The following SERGEF variants were observed in gnomAD, a reference collection of about 807,000 sequenced individuals.
The protein encoded by SERGEF is secretion-regulating guanine nucleotide exchange factor.
In SERGEF, 51 loss-of-function variants were observed where a neutral mutation model predicts 50.0. That is an observed-to-expected ratio of 1.02 (90% CI 0.81 to 1.29). SERGEF has a LOEUF of 1.29. SERGEF is among the 50% of genes most tolerant of loss of function. The pLI is 0.00. For synonymous variants in SERGEF, 205 were observed against 212.4 expected (o/e 0.97, Z 0.30); for missense variants, 521 against 557.0 (o/e 0.94, Z 0.65).
intron 9 of SERGEF, among the ~76,000 whole-genome samples, chr11:17,930,381 A>G (rs944890503): frequency 1.3e-5 from 2 of 152,170 alleles, no homozygotes; most frequent in Non-Finnish European, 2.9e-5. Context: ...AGGGAAGGTC[A>G]AAGATAGCAT....
chr11:18,003,470 A>G (rs1353471891), intron 4 of SERGEF, among the ~76,000 whole-genome samples: 1 of 152,228 alleles, frequency 6.6e-6, no homozygotes, highest in African/African-American at 2.4e-5. Flanking sequence ...ACTGAGACAT[A>G]TTGTAAGTAA....
intron 10 of SERGEF, chr11:17,854,917 A>G (rs1340346859): frequency 6.6e-6 from 1 of 152,152 alleles, no homozygotes; most frequent in Non-Finnish European, 1.5e-5. Context: ...TATATATATT[A>G]TCCCGTCTAA....
chr11:17,820,016 T>A (rs547272155), intron 10 of SERGEF, among the ~76,000 whole-genome samples: 21 of 151,940 alleles, frequency 1.4e-4, no homozygotes, highest in African/African-American at 2.7e-4. Context: ...TAAAAAAAAA[T>A]TTTTTTTTGT....
In SERGEF at chr11:17,921,339, T is replaced by C. The variant is rs369758458; in HGVS notation, c.1011+38131A>G. On this transcript the variant is annotated intron_variant, in intron 9 of 10. Coordinates refer to ENST00000265965, the MANE Select transcript of SERGEF (RefSeq NM_012139.4). ...ATGATAATGAAAGACTGAAGGAAGA[T>C]TGGCTTCTTTGTATAACCTCTAATA... 2.6e-5 allele frequency among the ~76,000 whole-genome samples: 4 copies of C among 152,244 alleles called. No individual in the cohort carries two copies. In the East Asian group the frequency reaches 5.8e-4, roughly 22 times the overall value.
At chr11:17,828,323 C>T (rs1025889271) in intron 10 of SERGEF, among the ~76,000 whole-genome samples, 9 of 152,184 alleles carry the variant, frequency 5.9e-5, no homozygotes, top group Non-Finnish European at 4.4e-5. Flanking sequence ...TAAGCCGGTA[C>T]GCATTCATGT....
intron 10 of SERGEF, among the ~76,000 whole-genome samples, chr11:17,839,422 A>G (rs1366578195): frequency 6.6e-6 from 1 of 152,240 alleles, no homozygotes; most frequent in African/African-American, 2.4e-5. Flanking sequence ...AAAGGGACAC[A>G]GTCAGAATTC....
intron 1 of SERGEF, among the ~76,000 whole-genome samples, chr11:18,009,465 G>A (rs184882317): frequency 6.6e-6 from 1 of 152,292 alleles, no homozygotes; most frequent in East Asian, 1.9e-4. Context: ...ATCAAAATGG[G>A]AGGGCAACAT....
At chr11:17,827,970 C>T (rs572173690) in intron 10 of SERGEF, among the ~76,000 whole-genome samples, 1 of 152,258 alleles carries the variant, frequency 6.6e-6, no homozygotes, top group South Asian at 2.1e-4. Context: ...ATGAGACAAG[C>T]CTTGAGTGAA....
At chr11:17,969,509 T>G (rs549681027) in intron 8 of SERGEF, among the ~76,000 whole-genome samples, 115 of 152,070 alleles carry the variant, frequency 7.6e-4, no homozygotes, top group African/African-American at 2.6e-3. Context: ...AGTAGTAGGC[T>G]GGGGGGTGAG....
At chr11:17,810,597 G>A (rs1209470308) in intron 10 of SERGEF, among the ~76,000 whole-genome samples, 1 of 152,232 alleles carries the variant, frequency 6.6e-6, no homozygotes, top group African/African-American at 2.4e-5. Context: ...CCCTTGATGA[G>A]CTTCCCATGA....
chr11:17,838,972 G>C (rs1260419004), intron 10 of SERGEF, among the ~76,000 whole-genome samples: 1 of 152,166 alleles, frequency 6.6e-6, no homozygotes. Flanking sequence ...GCACCTTGCA[G>C]AGCCATGTTC....
intron 10 of SERGEF, among the ~76,000 whole-genome samples, chr11:17,863,061 T>A (rs1453083752): frequency 6.6e-6 from 1 of 152,230 alleles, no homozygotes; most frequent in Non-Finnish European, 1.5e-5. Context: ...AAGCGGCAAG[T>A]GCAGACCTTG....
chr11:18,001,494 A>G (rs1853961342), intron 4 of SERGEF, among the ~76,000 whole-genome samples: 1 of 152,240 alleles, frequency 6.6e-6, no homozygotes, highest in African/African-American at 2.4e-5. Context: ...GGCAAGGAAC[A>G]TGAAACCATT....
At chr11:18,000,801 T>G (rs1048392495) in intron 4 of SERGEF, 7 of 647,158 alleles carry the variant, frequency 1.1e-5, no homozygotes, top group Non-Finnish European at 1.7e-5. Context: ...GGGAGGCACT[T>G]CTAAGGTCAT....
chr11:17,799,916 T>G (rs1590120686), intron 10 of SERGEF, among the ~76,000 whole-genome samples: 2 of 152,316 alleles, frequency 1.3e-5, no homozygotes, highest in Admixed American at 1.3e-4. Context: ...GAGCTGAGCG[T>G]CCATCCCACA....
At chr11:18,004,589 C>T in intron 3 of SERGEF, 54 bp from the exon 4 acceptor site, 1 of 1,271,404 alleles carries the variant, frequency 7.9e-7, no homozygotes, top group Non-Finnish European at 1.1e-6. Context: ...TGTCTGTGAC[C>T]AATGGGTAAA....
chr11:17,809,985 C>G (rs192065311), intron 10 of SERGEF, among the ~76,000 whole-genome samples: 91 of 152,296 alleles, frequency 6.0e-4, no homozygotes, highest in Non-Finnish European at 9.9e-4. Flanking sequence ...CTGCTCCTAC[C>G]AACCTAGTAC....
intron 9 of SERGEF, among the ~76,000 whole-genome samples, chr11:17,946,481 C>A (rs1852665115): frequency 6.6e-6 from 1 of 152,142 alleles, no homozygotes; most frequent in Non-Finnish European, 1.5e-5. Context: ...GCATCACAGA[C>A]CCTGATGAGG....
At chr11:17,876,985 C>T (rs1211409425) in intron 10 of SERGEF, among the ~76,000 whole-genome samples, 2 of 152,236 alleles carry the variant, frequency 1.3e-5, no homozygotes, top group African/African-American at 4.8e-5. Context: ...CTCTGCTGTC[C>T]TTGGTTCTGC....
Sources: allele counts gnomAD v4.1 joint callset (sites outside exome capture counted in the v4.1 genomes callset), GRCh38; gene constraint gnomAD v4.1.1; transcripts MANE v1.5; gene names NCBI Gene and HGNC (gene_info 2026-07-23, HGNC 2026-07-21).